KCNMA1: variants seen among roughly 807,000 people sequenced by gnomAD.
KCNMA1 encodes Calcium-activated potassium channel subunit alpha-1.
A neutral mutation model predicts 140.0 loss-of-function variants in KCNMA1; 29 were observed. That is an observed-to-expected ratio of 0.21 (90% confidence interval 0.15 to 0.28). The LOEUF is 0.28. Ranked by LOEUF, KCNMA1 falls within the 10% of genes least tolerant of loss-of-function variation. The probability of loss-of-function intolerance (pLI) is 1.00; values close to 1 mark genes in which losing one functional copy is unlikely to be tolerated. For synonymous variants in KCNMA1, 612 were observed against 611.9 expected (o/e 1.00, Z 0.00); for missense variants, 880 against 1,602.2 (o/e 0.55, Z 7.70).
At chr10:77,270,396 CG>C (rs1209099826) in intron 2 of KCNMA1, among the ~76,000 whole-genome samples, 1 of 152,146 alleles carries the variant, frequency 6.6e-6, no homozygotes, top group African/African-American at 2.4e-5. Flanking sequence ...CCCAGAAGTC[CG>C]GGAGAACTGG....
chr10:76,911,777 T>G (rs992112713), intron 24 of KCNMA1: 1 of 152,254 alleles, frequency 6.6e-6, no homozygotes, highest in African/African-American at 2.4e-5. Flanking sequence ...CTCACCTCCC[T>G]TCACTTGTCC....
intron 1 of KCNMA1, among the ~76,000 whole-genome samples, chr10:77,536,877 CAT>C (rs1430613143): frequency 6.6e-6 from 1 of 152,202 alleles, no homozygotes; most frequent in Non-Finnish European, 1.5e-5. Flanking sequence ...AGGGAGAACA[CAT>C]GATTCACCAC....
At chr10:76,883,275 A>C (rs1303035936), downstream of KCNMA1, among the ~76,000 whole-genome samples, 1 of 152,252 alleles carries the variant, frequency 6.6e-6, no homozygotes, top group Non-Finnish European at 1.5e-5. Flanking sequence ...AGGGTAATAT[A>C]GAAAATGGTT....
intron 1 of KCNMA1, among the ~76,000 whole-genome samples, chr10:77,608,326 C>T (rs766293935): frequency 6.6e-6 from 1 of 152,168 alleles, no homozygotes; most frequent in Non-Finnish European, 1.5e-5. Flanking sequence ...GGATGTGCCA[C>T]CACGCCTGGC....
chr10:77,461,270 C>G (rs1018823658), intron 1 of KCNMA1, among the ~76,000 whole-genome samples: 2 of 150,572 alleles, frequency 1.3e-5, no homozygotes, highest in Non-Finnish European at 2.9e-5. Flanking sequence ...GACCCTCCCT[C>G]TTTTCTTAGC....
At chr10:77,018,892 C>T (rs1432283993) in intron 17 of KCNMA1, 121 bp downstream of exon 17, 1 of 700,744 alleles carries the variant, frequency 1.4e-6, no homozygotes, top group Admixed American at 2.1e-5. Context: ...GTTTTTCTTA[C>T]ACCAGTTGAT....
intron 19 of KCNMA1, among the ~76,000 whole-genome samples, chr10:76,987,243 T>C (rs1316957152): frequency 6.6e-6 from 1 of 152,162 alleles, no homozygotes; most frequent in Non-Finnish European, 1.5e-5. Context: ...CAAAGACCAA[T>C]TTTGACTTCT....
chr10:77,157,345 T>C (rs530356544), intron 5 of KCNMA1, among the ~76,000 whole-genome samples: 41 of 152,236 alleles, frequency 2.7e-4, no homozygotes, highest in African/African-American at 9.6e-4. Flanking sequence ...GGGAGGCTAG[T>C]ACAAGTTCAT....
chr10:77,473,735 A>C (rs1262871884), intron 1 of KCNMA1, among the ~76,000 whole-genome samples: 1 of 152,258 alleles, frequency 6.6e-6, no homozygotes, highest in East Asian at 1.9e-4. Flanking sequence ...CGACAGAGTG[A>C]ATACACAGCC....
At chr10:77,252,179 T>C (rs2059786217) in intron 2 of KCNMA1, among the ~76,000 whole-genome samples, 1 of 152,226 alleles carries the variant, frequency 6.6e-6, no homozygotes, top group South Asian at 2.1e-4. Context: ...ATAGAATGAA[T>C]ATGTAGCAGA....
chr10:77,171,308 T>C (rs886113773), intron 5 of KCNMA1, among the ~76,000 whole-genome samples: 1 of 151,940 alleles, frequency 6.6e-6, no homozygotes, highest in African/African-American at 2.4e-5. Flanking sequence ...CTAGAATACA[T>C]AGTGTGCTTG....
chr10:77,092,961 A>G (rs889819604), intron 9 of KCNMA1, among the ~76,000 whole-genome samples: 2 of 152,332 alleles, frequency 1.3e-5, no homozygotes, highest in African/African-American at 4.8e-5. Flanking sequence ...CAGCCTTAGA[A>G]AAAGTCAGGG....
At chr10:77,451,638 T>G (rs548762474) in intron 1 of KCNMA1, among the ~76,000 whole-genome samples, 31 of 152,274 alleles carry the variant, frequency 2.0e-4, no homozygotes, top group African/African-American at 7.2e-4. Context: ...CTAGGTGTAT[T>G]CAAATACAGG....
At chr10:77,457,447 C>G (rs999483365) in intron 1 of KCNMA1, among the ~76,000 whole-genome samples, 1 of 152,064 alleles carries the variant, frequency 6.6e-6, no homozygotes, top group Non-Finnish European at 1.5e-5. Context: ...GTGATCCTGC[C>G]CAGCCCAGCA....
At chr10:77,613,452 A>G (rs1048961022) in intron 1 of KCNMA1, among the ~76,000 whole-genome samples, 2 of 152,234 alleles carry the variant, frequency 1.3e-5, no homozygotes, top group African/African-American at 4.8e-5. Flanking sequence ...CCACATGGGC[A>G]ACAAGTGAAG....
At chr10:77,493,139 A>G (rs1324530619) in intron 1 of KCNMA1, among the ~76,000 whole-genome samples, 2 of 152,218 alleles carry the variant, frequency 1.3e-5, no homozygotes, top group East Asian at 3.9e-4. Context: ...AAACAGATTC[A>G]ATGCCAATTG....
chr10:77,077,535 C>G (rs1433614617), intron 13 of KCNMA1, among the ~76,000 whole-genome samples: 1 of 152,192 alleles, frequency 6.6e-6, no homozygotes, highest in Non-Finnish European at 1.5e-5. Context: ...CAGCTAAAAT[C>G]CTCCTTAATT....
chr10:76,887,656 T>A, intron 27 of KCNMA1, 141 bp from the exon 28 acceptor site: 1 of 917,906 alleles, frequency 1.1e-6, no homozygotes, highest in Non-Finnish European at 1.7e-6. Context: ...TCTGAGGCCT[T>A]AAACATTCTT....
intron 1 of KCNMA1, among the ~76,000 whole-genome samples, chr10:77,569,856 C>T (rs1056731046): frequency 6.6e-5 from 10 of 152,124 alleles, no homozygotes; most frequent in Admixed American, 5.9e-4. Flanking sequence ...GGGCTAATAT[C>T]CAGAGTCTAC....
Sources: gnomAD v4.1 joint callset for allele counts (sites outside exome capture counted in the v4.1 genomes callset) on GRCh38, gnomAD v4.1.1 for gene constraint, MANE v1.5 for transcripts, NCBI Gene and HGNC (gene_info 2026-07-23, HGNC 2026-07-21) for gene names.